The following GPATCH8 variants were observed in gnomAD, a reference collection of about 807,000 sequenced individuals.
GPATCH8 encodes G-patch domain containing 8.
GPATCH8 carries 18 observed loss-of-function variants against 118.3 expected under a neutral mutation model. The ratio of observed to expected loss-of-function variants is 0.15; its 90% confidence interval spans 0.11 to 0.23. GPATCH8 has a LOEUF of 0.23. GPATCH8 is among the 10% of genes least tolerant of loss of function. GPATCH8 has a pLI of 1.00. For synonymous variants in GPATCH8, 659 were observed against 684.7 expected (o/e 0.96, Z 0.59); for missense variants, 1,631 against 1,873.8 (o/e 0.87, Z 2.39).
intron 3 of GPATCH8, among the ~76,000 whole-genome samples, chr17:44,443,499 A>G (rs2050772336): frequency 6.6e-6 from 1 of 152,186 alleles, no homozygotes; most frequent in Admixed American, 6.5e-5. Flanking sequence ...CATTAACTGA[A>G]AACATTGAGC....
At chr17:44,459,127 G>A (rs1195373409) in intron 3 of GPATCH8, among the ~76,000 whole-genome samples, 1 of 152,126 alleles carries the variant, frequency 6.6e-6, no homozygotes, top group Admixed American at 6.6e-5. Context: ...GATGACTAGT[G>A]AGCTCAGAAT....
chr17:44,433,392 A>AT (rs577292418), intron 5 of GPATCH8, among the ~76,000 whole-genome samples: 364 of 152,346 alleles, frequency 2.4e-3, no homozygotes, highest in African/African-American at 8.6e-3. Context: ...TGCAGGATAT[A>AT]TACTGGCAGA....
At position 44,399,778 on chromosome 17, in the gene GPATCH8, C is replaced by A. The variant is rs770121695; in HGVS notation, c.2299G>T (p.Gly767Cys). The A allele has an allele frequency of 6.2e-7, 1 of 1,613,664 alleles. No individual in the cohort carries two copies. The highest frequency in any genetic ancestry group is 1.1e-5 in the South Asian group (1 of 91,034). Residue 767 changes from glycine (G) to cysteine (C), a missense_variant, in exon 8 of 8, where the codon GGC becomes TGC. By Grantham distance (159) the Gly-to-Cys change is radical. Transcript: ENST00000591680. ...RSLPAEEGSS[G>C]KKDEGGGGSS... ...CCACCCCCACCTTCATCCTTTTTGC[C>A]ACTGCTCCCCTCTTCAGCTGGGAGG...
intron 1 of GPATCH8, among the ~76,000 whole-genome samples, chr17:44,489,036 G>T (rs1348465077): frequency 6.6e-6 from 1 of 151,736 alleles, no homozygotes; most frequent in Non-Finnish European, 1.5e-5. Flanking sequence ...TCCAGTCTGA[G>T]GGACAGAGTG....
At chr17:44,428,805 C>G (rs2050185086) in intron 5 of GPATCH8, among the ~76,000 whole-genome samples, 1 of 151,878 alleles carries the variant, frequency 6.6e-6, no homozygotes. Context: ...GTCTGGGTGA[C>G]AGAGTGAGAC....
At chr17:44,405,107 G>A (rs1485693522) in intron 7 of GPATCH8, among the ~76,000 whole-genome samples, 1 of 152,036 alleles carries the variant, frequency 6.6e-6, no homozygotes, top group African/African-American at 2.4e-5. Flanking sequence ...TAATTACCCT[G>A]ATCTGATCGC....
chr17:44,398,042 G>C lies in GPATCH8; in HGVS notation c.4035C>G (p.Ala1345=). The C allele has an allele frequency of 1.1e-5, 18 of 1,613,970 alleles. No individual in the cohort carries two copies. The highest frequency in any genetic ancestry group is 1.5e-5 in the Non-Finnish European group (18 of 1,179,860). The change falls in exon 8 of 8, where the codon GCC becomes GCG. Residue 1345 remains alanine (A), a synonymous_variant. Coordinates refer to ENST00000591680, the MANE Select transcript of GPATCH8 (RefSeq NM_001002909.4). The stretch of plus-strand genomic sequence containing the variant: ...GTGTGGCTGGGGCCAGGGCAGCTGA[G>C]GCTGGAAAGGCCTTTACTTGCTTGG... ...LLAKQVKAFP[A]SAALAPATPA... is the part of the protein sequence containing the mutation.
Position 44,452,776 on chromosome 17 carries a change from C to T in GPATCH8, c.193+11696G>A, listed in dbSNP as rs553325575. Among the ~76,000 whole-genome samples, 24 of 151,842 alleles carry T rather than the reference C, an allele frequency of 1.6e-4. No homozygotes were observed. In the South Asian group the frequency reaches 4.2e-3, roughly 26 times the overall value. The stretch of plus-strand genomic sequence containing the variant: ...CCTATCATTAAAACATTTTGGAACC[C>T]TAAAAATAAATTTCTCAACTGTATA... On this transcript the variant is annotated intron_variant, in intron 3 of 7. Transcript: ENST00000591680.
chr17:44,465,586 G>GA (rs1247717241), intron 2 of GPATCH8: 4 of 152,114 alleles, frequency 2.6e-5, no homozygotes, highest in Non-Finnish European at 5.9e-5. Flanking sequence ...GGACAACACT[G>GA]AAAAATTCTA....
At chr17:44,492,698 T>C (rs1205050508) in intron 1 of GPATCH8, among the ~76,000 whole-genome samples, 1 of 152,172 alleles carries the variant, frequency 6.6e-6, no homozygotes, top group Non-Finnish European at 1.5e-5. Context: ...GTAATATAGC[T>C]GGCAACAAAC....
chr17:44,445,521 CT>C (rs1042166026), intron 3 of GPATCH8, among the ~76,000 whole-genome samples: 5 of 151,376 alleles, frequency 3.3e-5, no homozygotes, highest in African/African-American at 9.7e-5. Flanking sequence ...TTTTCCCCCC[CT>C]AAGATGGAGT....
chr17:44,430,942 C>T (rs2050288878), intron 5 of GPATCH8, among the ~76,000 whole-genome samples: 2 of 151,658 alleles, frequency 1.3e-5, no homozygotes, highest in Non-Finnish European at 2.9e-5. Flanking sequence ...TGAGCCACCG[C>T]ACTGGCCACA....
At chr17:44,437,153 C>T (rs1464663405) in intron 3 of GPATCH8, among the ~76,000 whole-genome samples, 2 of 152,012 alleles carry the variant, frequency 1.3e-5, no homozygotes, top group Non-Finnish European at 2.9e-5. Context: ...CAATTAGTTG[C>T]CCTTAGAGAA....
chr17:44,455,437 T>C (rs1202019290), intron 3 of GPATCH8, among the ~76,000 whole-genome samples: 1 of 151,722 alleles, frequency 6.6e-6, no homozygotes, highest in African/African-American at 2.4e-5. Flanking sequence ...GAGGTAGAGG[T>C]TGCGGTGAGC....
At chr17:44,475,403 A>G (rs1381200887) in intron 1 of GPATCH8, among the ~76,000 whole-genome samples, 1 of 150,568 alleles carries the variant, frequency 6.6e-6, no homozygotes, top group East Asian at 2.0e-4. Context: ...AAAAAAAGAA[A>G]AAACTTTATA....
chr17:44,474,088 C>A (rs1213383238), intron 2 of GPATCH8, among the ~76,000 whole-genome samples: 1 of 152,154 alleles, frequency 6.6e-6, no homozygotes, highest in Non-Finnish European at 1.5e-5. Context: ...TAAATATGTA[C>A]ACTTAAGCAC....
At chr17:44,447,322 C>T (rs910541689) in intron 3 of GPATCH8, among the ~76,000 whole-genome samples, 8 of 151,174 alleles carry the variant, frequency 5.3e-5, no homozygotes, top group African/African-American at 1.9e-4. Context: ...CCATGCCTGG[C>T]TAATTTTTGT....
At chr17:44,449,183 A>G (rs1223512917) in intron 3 of GPATCH8, among the ~76,000 whole-genome samples, 1 of 152,204 alleles carries the variant, frequency 6.6e-6, no homozygotes, top group Non-Finnish European at 1.5e-5. Flanking sequence ...AGGCTGAGGC[A>G]GAAGAATCAC....
chr17:44,432,647 T>C (rs927263602), intron 5 of GPATCH8, among the ~76,000 whole-genome samples: 1 of 152,050 alleles, frequency 6.6e-6, no homozygotes, highest in Non-Finnish European at 1.5e-5. Flanking sequence ...GAGTGTGTGG[T>C]GCTAGAGGGG....
Sources: gnomAD v4.1 joint callset for allele counts (sites outside exome capture counted in the v4.1 genomes callset) on GRCh38, gnomAD v4.1.1 for gene constraint, MANE v1.5 for transcripts, NCBI Gene and HGNC (gene_info 2026-07-23, HGNC 2026-07-21) for gene names.